Variants in LVRN observed in about 807,000 individuals in gnomAD.
The protein encoded by LVRN is laeverin.
A neutral mutation model predicts 111.4 loss-of-function variants in LVRN; 99 were observed. The ratio of observed to expected loss-of-function variants is 0.89; its 90% CI spans 0.76 to 1.05. The LOEUF (loss-of-function observed/expected upper bound fraction) is 1.05, where lower values mean the gene tolerates loss of function less well. LVRN is among the 50% of genes least tolerant of loss of function. LVRN has a pLI of 0.00. For synonymous variants in LVRN, 488 were observed against 449.5 expected (o/e 1.09, Z -1.08); for missense variants, 1,414 against 1,206.8 (o/e 1.17, Z -2.54).
At chr5:115,999,462 C>G (rs1353928565) in intron 6 of LVRN, among the ~76,000 whole-genome samples, 1 of 152,170 alleles carries the variant, frequency 6.6e-6, no homozygotes, top group African/African-American at 2.4e-5. Context: ...AAGGCCCTCT[C>G]AGGATGGCCA....
At chr5:116,004,509 G>A (rs1748314810) in intron 12 of LVRN, among the ~76,000 whole-genome samples, 1 of 152,142 alleles carries the variant, frequency 6.6e-6, no homozygotes, top group Admixed American at 6.5e-5. Flanking sequence ...CTAGCATATT[G>A]GTTTAGAGCT....
chr5:115,981,851 G>A (rs539735372), intron 1 of LVRN, among the ~76,000 whole-genome samples: 27 of 152,140 alleles, frequency 1.8e-4, no homozygotes, highest in Non-Finnish European at 3.2e-4. Context: ...TTGTGAGATC[G>A]GAAGGGATAT....
intron 4 of LVRN, among the ~76,000 whole-genome samples, chr5:115,988,425 C>G (rs1747916591): frequency 6.6e-6 from 1 of 151,770 alleles, no homozygotes; most frequent in Non-Finnish European, 1.5e-5. Flanking sequence ...AAATTGGAAT[C>G]ATATGTGAAT....
At chr5:115,997,700 C>G (rs929903016) in intron 6 of LVRN, among the ~76,000 whole-genome samples, 23 of 151,968 alleles carry the variant, frequency 1.5e-4, no homozygotes, top group African/African-American at 5.6e-4. Context: ...CCTTCTCTGA[C>G]ATATTGCAGC....
At chr5:115,972,371 G>T (rs1753346130) in intron 1 of LVRN, among the ~76,000 whole-genome samples, 1 of 150,470 alleles carries the variant, frequency 6.6e-6, no homozygotes, top group Non-Finnish European at 1.5e-5. Context: ...TATTGTTAAT[G>T]ATATTTTTAG....
intron 13 of LVRN, among the ~76,000 whole-genome samples, chr5:116,006,679 A>G (rs1000262658): frequency 2.0e-5 from 3 of 152,206 alleles, no homozygotes; most frequent in South Asian, 4.2e-4. Context: ...ACTTTCTTCT[A>G]TCTTTTCTTT....
chr5:116,016,740 A>G (rs542046028), intron 18 of LVRN, among the ~76,000 whole-genome samples: 1 of 152,268 alleles, frequency 6.6e-6, no homozygotes, highest in East Asian at 1.9e-4. Context: ...AGTTCTTCCA[A>G]ACTCCAGCTT....
chr5:115,971,196 T>C (rs1282608538), intron 1 of LVRN, among the ~76,000 whole-genome samples: 1 of 152,242 alleles, frequency 6.6e-6, no homozygotes, highest in Non-Finnish European at 1.5e-5. Flanking sequence ...CATTTTTCTC[T>C]TGGGCTGTTT....
intron 13 of LVRN, among the ~76,000 whole-genome samples, chr5:116,007,753 C>G (rs1446357872): frequency 6.6e-6 from 1 of 152,188 alleles, no homozygotes; most frequent in Non-Finnish European, 1.5e-5. Flanking sequence ...AACTCTGAGT[C>G]AAGCAAGTCT....
At chr5:116,009,180 A>T (rs1359356103) in intron 13 of LVRN, among the ~76,000 whole-genome samples, 3 of 152,160 alleles carry the variant, frequency 2.0e-5, no homozygotes, top group African/African-American at 7.2e-5. Context: ...GTAAGTGGAA[A>T]AACAAAGCCT....
At chr5:116,009,395 C>T (rs1748442066) in intron 13 of LVRN, among the ~76,000 whole-genome samples, 1 of 152,084 alleles carries the variant, frequency 6.6e-6, no homozygotes, top group African/African-American at 2.4e-5. Flanking sequence ...ATTCTTCAGC[C>T]CAGGGATCAA....
intron 13 of LVRN, among the ~76,000 whole-genome samples, chr5:116,007,060 G>A (rs913091017): frequency 6.6e-6 from 1 of 152,110 alleles, no homozygotes; most frequent in Admixed American, 6.6e-5. Flanking sequence ...TCTTTTGGAG[G>A]CTCACTTTAC....
intron 1 of LVRN, among the ~76,000 whole-genome samples, chr5:115,971,334 A>T (rs1247506303): frequency 6.6e-6 from 1 of 152,182 alleles, no homozygotes; most frequent in East Asian, 1.9e-4. Flanking sequence ...TTTACATTTT[A>T]ATGAAGTTCA....
At chr5:115,978,448 T>A (rs1753492740) in intron 1 of LVRN, among the ~76,000 whole-genome samples, 1 of 152,166 alleles carries the variant, frequency 6.6e-6, no homozygotes, top group African/African-American at 2.4e-5. Flanking sequence ...CCTTTTACAG[T>A]GGGAAATTTA....
chr5:116,024,182 A>G (rs1366517508), intron 19 of LVRN, among the ~76,000 whole-genome samples: 1 of 152,180 alleles, frequency 6.6e-6, no homozygotes, highest in East Asian at 1.9e-4. Context: ...AGTGGTCAAA[A>G]TTCATTGACT....
Position 115,962,707 on chromosome 5 carries a change from G to T in LVRN, c.90G>T (p.Leu30=), listed in dbSNP as rs1207030898. The change falls in exon 1 of 20, where the codon CTG becomes CTT. Residue 30 remains leucine (L), a synonymous_variant. Transcript: ENST00000357872. ...TGGTAGCCGCCCTCCTGCTGGCGCT[G>T]GCCGTACTCGCCGCCTTGTACGGCC... ...AGLVAALLLA[L]AVLAALYGHC... is the part of the protein sequence containing the mutation. 1 of 1,611,648 alleles carries T rather than the reference G, an allele frequency of 6.2e-7. No homozygotes were observed. The highest frequency in any genetic ancestry group is 2.2e-5 in the East Asian group (1 of 44,848).
chr5:115,963,079 G>A lies in LVRN; in HGVS notation c.462G>A (p.Glu154=), dbSNP rs1388832199. The part of the protein sequence containing the change: ...LLLHSLFQDC[E]RAEVRGPLSP... ...TGCATAGCCTCTTCCAGGACTGCGA[G>A]CGCGCCGAGGTGCGGGGACCCCTTT... The change falls in exon 1 of 20, where the codon GAG becomes GAA. Residue 154 remains glutamate (E), a synonymous_variant. Transcript: ENST00000357872. 6.2e-7 allele frequency: 1 copy of A among 1,613,706 alleles called. No individual in the cohort carries two copies.
intron 1 of LVRN, 32 bp from the exon 2 acceptor site, chr5:115,983,255 A>G: frequency 2.0e-6 from 3 of 1,503,434 alleles, no homozygotes; most frequent in Non-Finnish European, 1.8e-6. Context: ...TGAAATAAAA[A>G]TAAATAAAAA....
intron 18 of LVRN, chr5:116,021,745 T>G (rs1009595817): frequency 2.7e-5 from 12 of 451,968 alleles, no homozygotes; most frequent in Non-Finnish European, 5.3e-5. Flanking sequence ...CAGCCACACT[T>G]TGAGCAGGTA....
Sources: allele counts gnomAD v4.1 joint callset (sites outside exome capture counted in the v4.1 genomes callset), GRCh38; gene constraint gnomAD v4.1.1; transcripts MANE v1.5; gene names NCBI Gene and HGNC (gene_info 2026-07-23, HGNC 2026-07-21).